Variants in BPIFA1 observed in about 807,000 individuals in gnomAD.
BPIFA1 encodes BPI fold-containing family A member 1.
A neutral mutation model predicts 25.1 loss-of-function variants in BPIFA1; 24 were observed. The observed-to-expected ratio is 0.96, with a 90% CI of 0.69 to 1.35. BPIFA1 has a LOEUF of 1.35. BPIFA1 is among the 40% of genes most tolerant of loss of function. BPIFA1 has a pLI of 0.00. For synonymous variants in BPIFA1, 139 were observed against 131.8 expected (o/e 1.05, Z -0.37); for missense variants, 344 against 303.7 (o/e 1.13, Z -0.99).
intron 6 of BPIFA1, among the ~76,000 whole-genome samples, chr20:33,241,724 T>C (rs887220509): frequency 6.6e-6 from 1 of 152,162 alleles, no homozygotes. Context: ...TTCTGAGAAA[T>C]TGGAGAAGTT....
At chr20:33,240,515 G>A in intron 5 of BPIFA1, 130 bp downstream of exon 5, 1 of 1,232,392 alleles carries the variant, frequency 8.1e-7, no homozygotes, top group Non-Finnish European at 1.1e-6. Flanking sequence ...TGGATGGGAA[G>A]GAGGGAGCGT....
chr20:33,243,094 C>A lies in BPIFA1; in HGVS notation c.*35-13C>A, dbSNP rs1339521103. On this transcript the variant is annotated splice_polypyrimidine_tract_variant and intron_variant, in intron 8 of 8. Coordinates refer to ENST00000354297, the MANE Select transcript of BPIFA1 (RefSeq NM_130852.3). ...AGTAACGCTCACTGACCTTGAGTCT[C>A]CATCCTGATTAGGGTCTTCCCCCAA... 1.9e-5 allele frequency: 3 copies of A among 154,516 alleles called. No homozygotes were observed. Among genetic ancestry groups the A allele is most frequent in the Non-Finnish European group, 4.3e-5 (3 of 69,526 alleles). The allele number at this position is 154,516 out of a possible 1,614,324, so 9.6% of individuals were successfully genotyped here.
rs1978876782 is a variant in BPIFA1, at chr20:33,239,922, C to A, written c.428+12C>A. 1 of 1,608,474 alleles carries A rather than the reference C, an allele frequency of 6.2e-7. No individual in the cohort carries two copies. The highest frequency in any genetic ancestry group is 8.5e-7 in the Non-Finnish European group (1 of 1,174,890). ...CTCCAAGTGAATACGTGAGTGGGTC[C>A]CAAGAGGGGGTGAGAGGATGGCTCA... On this transcript the variant is annotated intron_variant, in intron 4 of 8. Coordinates refer to ENST00000354297, the MANE Select transcript of BPIFA1 (RefSeq NM_130852.3).
chr20:33,242,686 A>G, intron 8 of BPIFA1, 125 bp downstream of exon 8: 1 of 686,568 alleles, frequency 1.5e-6, no homozygotes, highest in East Asian at 2.7e-5. Context: ...AGGTACACAC[A>G]GGGATGCACA....
rs766679407 is a variant in BPIFA1 at position 33,239,929 on chromosome 20, G to A, written c.428+19G>A. The A allele has an allele frequency of 6.2e-7, 1 of 1,604,092 alleles. No homozygotes were observed. Among genetic ancestry groups the A allele is most frequent in the Admixed American group, 1.7e-5 (1 of 60,022 alleles). On this transcript the variant is annotated intron_variant, in intron 4 of 8. Transcript: ENST00000354297. ...TGAATACGTGAGTGGGTCCCAAGAG[G>A]GGGTGAGAGGATGGCTCACCGAGGG...
At chr20:33,242,035 C>T in intron 6 of BPIFA1, 21 bp from the exon 7 acceptor site, 2 of 1,612,612 alleles carry the variant, frequency 1.2e-6, no homozygotes, top group Non-Finnish European at 8.5e-7. Flanking sequence ...CTGCCTAACT[C>T]TCCTCTCTGC....
chr20:33,240,024 G>T, intron 4 of BPIFA1, 114 bp downstream of exon 4: 1 of 1,347,166 alleles, frequency 7.4e-7, no homozygotes, highest in Admixed American at 1.7e-5. Flanking sequence ...TCCAACTTCA[G>T]CTCATTTGCT....
In BPIFA1 at chr20:33,239,918, G is replaced by A; in HGVS notation, c.428+8G>A. ...AAAGCTCCAAGTGAATACGTGAGTG[G>A]GTCCCAAGAGGGGGTGAGAGGATGG... On this transcript the variant is annotated splice_region_variant and intron_variant, in intron 4 of 8. Coordinates refer to ENST00000354297, the MANE Select transcript of BPIFA1 (RefSeq NM_130852.3). 6.2e-7 allele frequency: 1 copy of A among 1,609,386 alleles called. No homozygotes were observed.
chr20:33,242,045 C>T lies in BPIFA1; in HGVS notation c.667-11C>T, dbSNP rs201701049. 901 of 1,613,624 alleles carry T rather than the reference C, an allele frequency of 5.6e-4. 9 individuals are homozygous for T. The South Asian group carries it at 6.9e-3, about 12-fold the overall frequency. ...CCACTCTGCCTAACTCTCCTCTCTG[C>T]CCCTGGCCAGGTGTGCCCTCTGGTC... On this transcript the variant is annotated splice_polypyrimidine_tract_variant and intron_variant, in intron 6 of 8. Transcript: ENST00000354297.
intron 3 of BPIFA1, among the ~76,000 whole-genome samples, chr20:33,239,068 C>T (rs746178948): frequency 3.3e-5 from 5 of 152,134 alleles, no homozygotes; most frequent in Admixed American, 6.5e-5. Flanking sequence ...AATCACCTGG[C>T]GCAGTGGCTG....
chr20:33,240,252 C>G lies in BPIFA1; in HGVS notation c.448C>G (p.Leu150Val). 1 of 1,614,110 alleles carries G rather than the reference C, an allele frequency of 6.2e-7. No homozygotes were observed. The highest frequency in any genetic ancestry group is 8.5e-7 in the Non-Finnish European group (1 of 1,180,016). The change falls in exon 5 of 9, where the codon CTG becomes GTG. Residue 150 changes from leucine (L) to valine (V), a missense_variant. Physicochemically the swap from Leu to Val is conservative, Grantham distance 32. Coordinates refer to ENST00000354297, the MANE Select transcript of BPIFA1 (RefSeq NM_130852.3). ...TTGCAGGCCCCTGGTCGGTGCAAGTCTGTTGAGGCTGGCTGTGAAGCTGGA... is the reference window on the plus strand; with the variant it reads ...TTGCAGGCCCCTGGTCGGTGCAAGTGTGTTGAGGCTGGCTGTGAAGCTGGA... ...QVNTPLVGASLLRLAVKLDIT... is the reference protein window; with the variant it reads ...QVNTPLVGASVLRLAVKLDIT...
intron 6 of BPIFA1, among the ~76,000 whole-genome samples, 190 bp from the exon 7 acceptor site, chr20:33,241,866 T>C (rs1403782799): frequency 6.6e-6 from 1 of 152,212 alleles, no homozygotes; most frequent in African/African-American, 2.4e-5. Context: ...GTTGTGTGAT[T>C]TGGGGCCCTT....
At chr20:33,238,236 C>A in intron 3 of BPIFA1, 22 bp downstream of exon 3, 1 of 1,597,628 alleles carries the variant, frequency 6.3e-7, no homozygotes, top group East Asian at 2.2e-5. Flanking sequence ...TAAAATAGAG[C>A]TTTGATCTCC....
Position 33,240,690 on chromosome 20 carries a change from A to AT in BPIFA1, c.581+305_581+306insT, listed in dbSNP as rs1568631750. Among the ~76,000 whole-genome samples, 600 of 106,560 alleles carry AT rather than the reference A, an allele frequency of 5.6e-3. 8 individuals carry two copies. Among genetic ancestry groups the AT allele is most frequent in the African/African-American group, 0.026 (578 of 22,392 alleles). 69.9% of individuals were successfully genotyped at this position (106,560 alleles called of 152,430 possible). On this transcript the variant is annotated intron_variant, in intron 5 of 8. Coordinates refer to ENST00000354297, the MANE Select transcript of BPIFA1 (RefSeq NM_130852.3). ...AGATAGATAGATAGATAGATAGATA[A>AT]AGTAGTACTTATTCCTTCTTAGACC...
rs568974218 is a variant in BPIFA1 at position 33,239,128 on chromosome 20, C to T, written c.321-675C>T. Among the ~76,000 whole-genome samples, 20 of 152,138 alleles carry T rather than the reference C, an allele frequency of 1.3e-4. No homozygotes were observed. The East Asian group carries it at 1.7e-3, about 13-fold the overall frequency. On this transcript the variant is annotated intron_variant, in intron 3 of 8. Transcript: ENST00000354297. ...AAATGGCCTCCCTGCTTGATGGGTG[C>T]GGTCACAGGCCTGGCTTCTCCTGGA...
rs1182607069 is a variant in BPIFA1 at position 33,242,051 on chromosome 20, G to A, written c.667-5G>A. On this transcript the variant is annotated splice_polypyrimidine_tract_variant and splice_region_variant and intron_variant, in intron 6 of 8. Coordinates refer to ENST00000354297, the MANE Select transcript of BPIFA1 (RefSeq NM_130852.3). ...TGCCTAACTCTCCTCTCTGCCCCTGGCCAGGTGTGCCCTCTGGTCAATGAG... is the reference window on the plus strand; with the variant it reads ...TGCCTAACTCTCCTCTCTGCCCCTGACCAGGTGTGCCCTCTGGTCAATGAG... The A allele has an allele frequency of 2.9e-5, 47 of 1,613,766 alleles. No individual in the cohort carries two copies. Among genetic ancestry groups the A allele is most frequent in the Middle Eastern group, 1.6e-4 (1 of 6,084 alleles).
At chr20:33,239,708 T>A (rs1306445699) in intron 3 of BPIFA1, 95 bp from the exon 4 acceptor site, 6 of 1,239,360 alleles carry the variant, frequency 4.8e-6, no homozygotes, top group Non-Finnish European at 7.1e-6. Context: ...TGGGAAGCTC[T>A]ACCTCTGGGA....
intron 5 of BPIFA1, among the ~76,000 whole-genome samples, chr20:33,240,645 TGATAGATAGATA>T (rs10677321): frequency 7.2e-4 from 103 of 142,960 alleles, no homozygotes; most frequent in East Asian, 3.1e-3. Flanking sequence ...GATAGATAGA[TGATAGATAGATA>T]GATAGATAGA....
intron 4 of BPIFA1, 89 bp downstream of exon 4, chr20:33,239,999 T>C: frequency 6.9e-7 from 1 of 1,442,526 alleles, no homozygotes; most frequent in Non-Finnish European, 9.7e-7. Flanking sequence ...TATTGGAGTC[T>C]AACAGACCTG....
Sources: allele counts gnomAD v4.1 joint callset (sites outside exome capture counted in the v4.1 genomes callset), GRCh38; gene constraint gnomAD v4.1.1; transcripts MANE v1.5; gene names NCBI Gene and HGNC (gene_info 2026-07-23, HGNC 2026-07-21).